Variants in MMAA observed in about 807,000 individuals in gnomAD.
MMAA encodes methylmalonic aciduria type A protein, mitochondrial.
A neutral mutation model predicts 45.0 loss-of-function variants in MMAA; 41 were observed. That is an observed-to-expected ratio of 0.91 (90% CI 0.71 to 1.18). The LOEUF is 1.18. MMAA is among the 50% of genes most tolerant of loss of function. The pLI, the probability that MMAA is intolerant of heterozygous loss-of-function variation, is 0.00. For missense variants in MMAA, 460 were observed against 495.7 expected (o/e 0.93, Z 0.68); for synonymous variants, 154 against 178.2 (o/e 0.86, Z 1.08).
At chr4:145,650,142 G>T (rs887133943) in intron 4 of MMAA, among the ~76,000 whole-genome samples, 2 of 152,112 alleles carry the variant, frequency 1.3e-5, no homozygotes, top group Non-Finnish European at 2.9e-5. Flanking sequence ...TTATTTTGTT[G>T]TTGTTGTTTT....
intron 1 of MMAA, among the ~76,000 whole-genome samples, chr4:145,629,865 G>A (rs1734294413): frequency 1.3e-5 from 2 of 152,116 alleles, no homozygotes; most frequent in Admixed American, 1.3e-4. Flanking sequence ...CCATAATTCA[G>A]TCATTTCCCA....
rs1728236218 is a variant in MMAA, at chr4:145,656,527, T to G, written c.*1093T>G. 6.6e-6 allele frequency: 1 copy of G among 151,836 alleles called. No individual in the cohort carries two copies. The highest frequency in any genetic ancestry group is 6.6e-5 in the Admixed American group (1 of 15,264). 9.4% of individuals were successfully genotyped at this position (151,836 alleles called of 1,614,324 possible). On this transcript the variant is annotated 3_prime_UTR_variant, in exon 7 of 7. Coordinates refer to ENST00000649156, the MANE Select transcript of MMAA (RefSeq NM_172250.3). ...ATTAAAGTTATGGGTATCTTGAAAC[T>G]ACAAACCTGATGTATAATTTCAGTT...
At chr4:145,638,349 A>C (rs1024648205) in intron 1 of MMAA, among the ~76,000 whole-genome samples, 3 of 151,642 alleles carry the variant, frequency 2.0e-5, no homozygotes, top group African/African-American at 7.3e-5. Context: ...AGCATGAGCG[A>C]GAGAGTGAGA....
At chr4:145,622,791 T>C (rs1017377530) in intron 1 of MMAA, among the ~76,000 whole-genome samples, 11 of 152,210 alleles carry the variant, frequency 7.2e-5, no homozygotes, top group Admixed American at 6.5e-4. Context: ...CTTACATTGT[T>C]TTTTGCCCAC....
intron 1 of MMAA, among the ~76,000 whole-genome samples, chr4:145,628,228 T>C (rs914164128): frequency 1.3e-5 from 2 of 152,236 alleles, no homozygotes; most frequent in Admixed American, 1.3e-4. Context: ...AAAAGATTTT[T>C]TTGGTTACTT....
At chr4:145,645,806 CTTGA>C in intron 3 of MMAA, among the ~76,000 whole-genome samples, 176 bp from the exon 4 acceptor site, 1 of 152,030 alleles carries the variant, frequency 6.6e-6, no homozygotes, top group South Asian at 2.1e-4. Flanking sequence ...TTTTGAGGGG[CTTGA>C]AATGTTAAGA....
chr4:145,643,544 A>G (rs17020491), intron 3 of MMAA, among the ~76,000 whole-genome samples: 1,816 of 152,240 alleles, frequency 0.012, 38 homozygotes, highest in African/African-American at 0.042. Context: ...GACAATTCCT[A>G]TTATCACCCC....
chr4:145,652,685 G>T (rs935153258), intron 5 of MMAA, among the ~76,000 whole-genome samples: 1 of 151,700 alleles, frequency 6.6e-6, no homozygotes. Context: ...AGCCAAGATC[G>T]CACCACTGCA....
intron 1 of MMAA, among the ~76,000 whole-genome samples, chr4:145,637,506 T>C (rs919553134): frequency 6.6e-6 from 1 of 152,054 alleles, no homozygotes; most frequent in Admixed American, 6.6e-5. Context: ...TGAGCACTTA[T>C]AGTTCTACCA....
chr4:145,621,039 G>C (rs1734078411), intron 1 of MMAA, among the ~76,000 whole-genome samples: 1 of 152,202 alleles, frequency 6.6e-6, no homozygotes, highest in Admixed American at 6.5e-5. Context: ...TTGCTGTGAA[G>C]TCTGAAAGGA....
chr4:145,639,652 CTAAA>C, intron 2 of MMAA, 74 bp downstream of exon 2: 1 of 1,523,202 alleles, frequency 6.6e-7, no homozygotes, highest in African/African-American at 1.4e-5. Flanking sequence ...AAAAAAAAGT[CTAAA>C]TAGTTTGCAA....
rs781395862 is a variant in MMAA, at chr4:145,646,015, A to G, written c.592A>G (p.Thr198Ala). 6.2e-7 allele frequency: 1 copy of G among 1,613,958 alleles called. No individual in the cohort carries two copies. The highest frequency in any genetic ancestry group is 1.1e-5 in the South Asian group (1 of 91,076). Residue 198 changes from threonine (T) to alanine (A), a missense_variant, in exon 4 of 7, where the codon ACT becomes GCT. By Grantham distance (58) the Thr-to-Ala change is moderately conservative. Transcript: ENST00000649156. ...ACTCTTAGGTGATAAAACCCGAATGACTGAGTTATCAAGAGATATGAATGC... is the reference window on the plus strand; with the variant it reads ...ACTCTTAGGTGATAAAACCCGAATGGCTGAGTTATCAAGAGATATGAATGC... ...GSLLGDKTRM[T>A]ELSRDMNAYI...
At chr4:145,644,468 T>TA (rs1477616886) in intron 3 of MMAA, among the ~76,000 whole-genome samples, 1 of 152,182 alleles carries the variant, frequency 6.6e-6, no homozygotes, top group African/African-American at 2.4e-5. Context: ...TGTGGAAAGA[T>TA]ATGTGGAAAC....
intron 1 of MMAA, among the ~76,000 whole-genome samples, chr4:145,636,368 T>A (rs890697956): frequency 1.5e-4 from 23 of 152,242 alleles, no homozygotes; most frequent in African/African-American, 5.5e-4. Flanking sequence ...AAAAGTCTCA[T>A]CACTCTTGAC....
chr4:145,638,171 C>T (rs1056288845), intron 1 of MMAA, among the ~76,000 whole-genome samples: 5 of 152,096 alleles, frequency 3.3e-5, no homozygotes, highest in Non-Finnish European at 7.4e-5. Context: ...AGATCGAGAG[C>T]GTCCTGGCTA....
intron 4 of MMAA, among the ~76,000 whole-genome samples, chr4:145,648,456 A>G (rs1375138208): frequency 6.6e-6 from 1 of 152,210 alleles, no homozygotes; most frequent in East Asian, 1.9e-4. Flanking sequence ...TAACTTAGGA[A>G]TGTTTCTAGA....
chr4:145,646,476 T>G, intron 4 of MMAA: 1 of 314,046 alleles, frequency 3.2e-6, no homozygotes, highest in East Asian at 7.9e-5. Context: ...TTAAGTACAT[T>G]TCATATGTCT....
intron 1 of MMAA, among the ~76,000 whole-genome samples, 200 bp downstream of exon 1, chr4:145,619,607 C>A (rs1265159938): frequency 6.6e-6 from 1 of 152,112 alleles, no homozygotes; most frequent in African/African-American, 2.4e-5. Flanking sequence ...AGGCAGGAGT[C>A]GGCAAATGGG....
intron 1 of MMAA, chr4:145,625,471 C>G (rs768725694): frequency 1.4e-6 from 1 of 716,206 alleles, no homozygotes; most frequent in Non-Finnish European, 2.6e-6. Context: ...CTGACTTCTG[C>G]TCTGGCATAG....
Sources: allele counts gnomAD v4.1 joint callset (sites outside exome capture counted in the v4.1 genomes callset), GRCh38; gene constraint gnomAD v4.1.1; transcripts MANE v1.5; gene names NCBI Gene and HGNC (gene_info 2026-07-23, HGNC 2026-07-21).